RBFOX1: variants seen among roughly 807,000 people sequenced by gnomAD.
The protein encoded by RBFOX1 is RNA binding fox-1 homolog 1.
RBFOX1 carries 8 observed loss-of-function variants against 57.7 expected under a neutral mutation model. That is an observed-to-expected ratio of 0.14 (90% confidence interval 0.08 to 0.25). The LOEUF is 0.25. RBFOX1 is among the 10% of genes least tolerant of loss of function. The pLI, the probability that RBFOX1 is intolerant of heterozygous loss-of-function variation, is 1.00. For missense variants in RBFOX1, 611 were observed against 548.5 expected, an observed-to-expected ratio of 1.11 and a Z score of -1.14; for synonymous variants, 326 against 222.4, an observed-to-expected ratio of 1.47 and a Z score of -4.15.
chr16:6,561,555 G>T (rs547346107), intron 2 of RBFOX1, among the ~76,000 whole-genome samples: 1 of 152,294 alleles, frequency 6.6e-6, no homozygotes, highest in South Asian at 2.1e-4. Context: ...GAAGATGTGT[G>T]ATTTTTAGAA....
intron 2 of RBFOX1, among the ~76,000 whole-genome samples, chr16:6,582,267 T>C (rs1894859): frequency 0.48 from 73,590 of 152,030 alleles, 18,861 homozygotes; most frequent in East Asian, 0.67. Flanking sequence ...TGATTAGCTA[T>C]TATTTCTCAG....
chr16:6,675,732 C>T (rs140011260), intron 3 of RBFOX1, among the ~76,000 whole-genome samples: 4 of 152,278 alleles, frequency 2.6e-5, no homozygotes, highest in Admixed American at 2.0e-4. Context: ...AAGGGCTTTC[C>T]CTTTATGAAA....
chr16:5,583,027 G>C (rs1229524167), intron 2 of RBFOX1, among the ~76,000 whole-genome samples: 1 of 152,152 alleles, frequency 6.6e-6, no homozygotes, highest in Non-Finnish European at 1.5e-5. Context: ...AACAGATAAG[G>C]AAACTAAGGC....
At chr16:6,212,580 G>A (rs1012702429) in intron 1 of RBFOX1, among the ~76,000 whole-genome samples, 29 of 152,112 alleles carry the variant, frequency 1.9e-4, no homozygotes, top group African/African-American at 3.6e-4. Context: ...GGTGGTGGGC[G>A]CCTGTAGTCC....
chr16:7,231,877 T>G (rs1300863679), intron 4 of RBFOX1, among the ~76,000 whole-genome samples: 1 of 152,102 alleles, frequency 6.6e-6, no homozygotes, highest in African/African-American at 2.4e-5. Flanking sequence ...GAAAGCAGAT[T>G]GGTGGTTGCT....
intron 3 of RBFOX1, among the ~76,000 whole-genome samples, chr16:6,727,309 G>GA (rs1204417538): frequency 2.1e-4 from 31 of 148,906 alleles, no homozygotes; most frequent in South Asian, 6.4e-4. Context: ...TCTTTCAGTA[G>GA]AAAAAAAAAC....
intron 3 of RBFOX1, among the ~76,000 whole-genome samples, chr16:6,943,958 G>C (rs936999068): frequency 1.3e-5 from 2 of 152,058 alleles, no homozygotes; most frequent in South Asian, 2.1e-4. Context: ...GAATCTGCTG[G>C]GATTCTGGGG....
chr16:7,208,494 G>C (rs1473409264), intron 4 of RBFOX1, among the ~76,000 whole-genome samples: 1 of 152,138 alleles, frequency 6.6e-6, no homozygotes, highest in Non-Finnish European at 1.5e-5. Flanking sequence ...GAGATACATA[G>C]TGGGAGGGGA....
chr16:7,495,981 G>A (rs1226667836), intron 4 of RBFOX1, among the ~76,000 whole-genome samples: 1 of 152,048 alleles, frequency 6.6e-6, no homozygotes, highest in Non-Finnish European at 1.5e-5. Context: ...TTCTTAATAA[G>A]TACTTCCATA....
intron 4 of RBFOX1, among the ~76,000 whole-genome samples, chr16:7,199,988 C>G (rs1481703053): frequency 6.6e-6 from 1 of 152,184 alleles, no homozygotes; most frequent in Non-Finnish European, 1.5e-5. Context: ...TAATCTCATT[C>G]TTGAATGTGC....
At chr16:6,380,389 A>C (rs2091674219) in intron 2 of RBFOX1, among the ~76,000 whole-genome samples, 1 of 128,236 alleles carries the variant, frequency 7.8e-6, no homozygotes. Context: ...TGAGTGGTGA[A>C]TGGTGGGGAT....
At chr16:7,393,794 C>T (rs2098088385) in intron 4 of RBFOX1, among the ~76,000 whole-genome samples, 1 of 152,186 alleles carries the variant, frequency 6.6e-6, no homozygotes, top group African/African-American at 2.4e-5. Context: ...ACCTTTACTC[C>T]AGGCATCTCT....
chr16:5,718,376 A>G (rs2051797477), intron 3 of RBFOX1, among the ~76,000 whole-genome samples: 1 of 152,220 alleles, frequency 6.6e-6, no homozygotes, highest in Admixed American at 6.5e-5. Flanking sequence ...ACCCACAGAC[A>G]CATATGTGAG....
chr16:5,658,536 T>G (rs1353302593), intron 3 of RBFOX1, among the ~76,000 whole-genome samples: 1 of 152,106 alleles, frequency 6.6e-6, no homozygotes, highest in South Asian at 2.1e-4. Flanking sequence ...TCATTCGTTC[T>G]CTGGGTATTA....
intron 2 of RBFOX1, among the ~76,000 whole-genome samples, chr16:5,490,525 T>A (rs898590469): frequency 6.6e-6 from 1 of 152,130 alleles, no homozygotes; most frequent in African/African-American, 2.4e-5. Context: ...AGAATTACTT[T>A]GGGATAGCTG....
At chr16:5,338,123 G>A (rs908703995) in intron 1 of RBFOX1, among the ~76,000 whole-genome samples, 4 of 151,930 alleles carry the variant, frequency 2.6e-5, no homozygotes, top group South Asian at 4.2e-4. Flanking sequence ...TTGAGATGCT[G>A]CTGCTGGGTA....
Position 7,217,415 on chromosome 16 carries a change from C to T in RBFOX1, c.27+165317C>T, listed in dbSNP as rs1472638680. Among the ~76,000 whole-genome samples, 6 of 149,364 alleles carry T rather than the reference C, an allele frequency of 4.0e-5. 1 individual carries two copies. In the East Asian group the frequency reaches 1.0e-3, roughly 25 times the overall value. ...AAGTGCTGGGATTACAGGCATGAAC[C>T]ACCACGTCCAGCCAGGAAAACTACA... is the stretch of plus-strand genomic sequence containing the variant. On this transcript the variant is annotated intron_variant, in intron 4 of 15. Coordinates refer to ENST00000550418, the MANE Select transcript of RBFOX1 (RefSeq NM_018723.4).
intron 3 of RBFOX1, among the ~76,000 whole-genome samples, chr16:5,851,432 C>T (rs1209706534): frequency 6.6e-6 from 1 of 152,180 alleles, no homozygotes; most frequent in Non-Finnish European, 1.5e-5. Flanking sequence ...TAATTTTCCT[C>T]TGTGTGTTTT....
chr16:7,012,007 G>C (rs1039156100), intron 3 of RBFOX1, among the ~76,000 whole-genome samples: 1 of 152,130 alleles, frequency 6.6e-6, no homozygotes, highest in Non-Finnish European at 1.5e-5. Context: ...GATCAATGAG[G>C]TCTAGTCCAG....
Sources: allele counts gnomAD v4.1 joint callset (sites outside exome capture counted in the v4.1 genomes callset), GRCh38; gene constraint gnomAD v4.1.1; transcripts MANE v1.5; gene names NCBI Gene and HGNC (gene_info 2026-07-23, HGNC 2026-07-21).